Variants in TOM1L1 observed in about 807,000 individuals in gnomAD.
The protein encoded by TOM1L1 is target of myb1 like 1 membrane trafficking protein.
TOM1L1 carries 64 observed loss-of-function variants against 63.4 expected under a neutral mutation model. The ratio of observed to expected loss-of-function variants is 1.01; its 90% confidence interval spans 0.83 to 1.24. The LOEUF (loss-of-function observed/expected upper bound fraction) is 1.24, where lower values mean the gene tolerates loss of function less well. TOM1L1 is among the 50% of genes most tolerant of loss of function. The pLI is 0.00. For synonymous variants in TOM1L1, 166 were observed against 194.4 expected, an observed-to-expected ratio of 0.85 and a Z score of 1.22; for missense variants, 536 against 567.0, an observed-to-expected ratio of 0.95 and a Z score of 0.55.
At chr17:54,909,984 G>A (rs1395317026) in intron 3 of TOM1L1, among the ~76,000 whole-genome samples, 1 of 152,192 alleles carries the variant, frequency 6.6e-6, no homozygotes, top group Non-Finnish European at 1.5e-5. Flanking sequence ...TAGAGGAGGT[G>A]ATGTAGAATT....
At chr17:54,903,376 TCACCTTCTAGGTAG>T (rs990679788) in intron 1 of TOM1L1, among the ~76,000 whole-genome samples, 1 of 152,264 alleles carries the variant, frequency 6.6e-6, no homozygotes, top group African/African-American at 2.4e-5. Context: ...ACTATGCAGT[TCACCTTCTAGGTAG>T]CTGCTCACTA....
At chr17:54,926,100 C>T (rs776854432) in intron 7 of TOM1L1, among the ~76,000 whole-genome samples, 1 of 152,182 alleles carries the variant, frequency 6.6e-6, no homozygotes, top group Non-Finnish European at 1.5e-5. Context: ...ACAATTAGAT[C>T]CTGAAGCCCT....
intron 3 of TOM1L1, chr17:54,906,794 GTCCTTTT>G: frequency 1.0e-6 from 1 of 985,488 alleles, no homozygotes; most frequent in Middle Eastern, 5.2e-4. Flanking sequence ...TTGGTGAGTT[GTCCTTTT>G]TACTTTAGTA....
rs770489876 is a variant in TOM1L1 at position 54,960,622 on chromosome 17, A to G, written c.1427A>G (p.Asp476Gly). The G allele has an allele frequency of 6.2e-7, 1 of 1,609,196 alleles. No homozygotes were observed. The highest frequency in any genetic ancestry group is 8.5e-7 in the Non-Finnish European group (1 of 1,176,088). The change falls in exon 15 of 16, where the codon GAC (aspartate) becomes GGC (glycine). Residue 476 changes from aspartate (D) to glycine (G), a missense_variant. By Grantham distance (94) the Asp-to-Gly change is moderately conservative (BLOSUM62 -1). Transcript: ENST00000575882. ...HQHKGAQNDG[D>G] Reference sequence around the variant, plus strand: ...CACAAAGGAGCTCAAAATGATGGTGACTGAGGTAAAGACTTCAACTTATAC... The same window carrying G: ...CACAAAGGAGCTCAAAATGATGGTGGCTGAGGTAAAGACTTCAACTTATAC...
In TOM1L1 at chr17:54,905,051, A is replaced by C. The variant is rs1324627081; in HGVS notation, c.144-438A>C. On this transcript the variant is annotated intron_variant, in intron 2 of 15. Coordinates refer to ENST00000575882, the MANE Select transcript of TOM1L1 (RefSeq NM_005486.3). The stretch of plus-strand genomic sequence containing the variant: ...TCTTTGTAACATAAAATTGTGGCGT[A>C]TTGGCAGCTGACCTAGTTTGTTGTA... Among the ~76,000 whole-genome samples the C allele has an allele frequency of 2.6e-5, 4 of 152,192 alleles. No individual in the cohort carries two copies. The South Asian group carries it at 6.2e-4, about 24-fold the overall frequency.
chr17:54,935,456 C>T (rs2048929777), intron 8 of TOM1L1, among the ~76,000 whole-genome samples: 1 of 152,140 alleles, frequency 6.6e-6, no homozygotes, highest in Non-Finnish European at 1.5e-5. Flanking sequence ...AACTCTTACA[C>T]TTTAAAGTGT....
intron 7 of TOM1L1, among the ~76,000 whole-genome samples, chr17:54,918,130 C>T (rs769341988): frequency 6.6e-6 from 1 of 152,178 alleles, no homozygotes; most frequent in African/African-American, 2.4e-5. Flanking sequence ...ATGTTCTAGG[C>T]AGTACTCACT....
At position 54,900,999 on chromosome 17, in the gene TOM1L1, C is replaced by T. The variant is rs2048316692; in HGVS notation, c.58+76C>T. 24 of 1,595,502 alleles carry T rather than the reference C, an allele frequency of 1.5e-5. No homozygotes were observed. In the South Asian group the frequency reaches 2.5e-4, roughly 17 times the overall value. On this transcript the variant is annotated intron_variant, in intron 1 of 15. Coordinates refer to ENST00000575882, the MANE Select transcript of TOM1L1 (RefSeq NM_005486.3). ...CTTTCCTGCTTGATCCATTCTCGGC[C>T]TGCAGAGGACGGAGTTAGTCCAACT...
In TOM1L1 at chr17:54,912,659, A is replaced by G. The variant is rs777840631; in HGVS notation, c.223-7A>G. On this transcript the variant is annotated splice_region_variant and splice_polypyrimidine_tract_variant and intron_variant, in intron 3 of 15. Transcript: ENST00000575882. ...AAATATAATGTTTAATTTTTTTTCT[A>G]ATTTAGCTTATTGACATGTGTGTGC... The G allele has an allele frequency of 6.6e-7, 1 of 1,518,428 alleles. No homozygotes were observed. Among genetic ancestry groups the G allele is most frequent in the Admixed American group, 2.4e-5 (1 of 41,616 alleles). 94.1% of individuals were successfully genotyped at this position (1,518,428 alleles called of 1,614,324 possible).
intron 14 of TOM1L1, chr17:54,957,289 T>C (rs1012923449): frequency 1.3e-5 from 2 of 152,248 alleles, no homozygotes; most frequent in Non-Finnish European, 2.9e-5. Context: ...GAGTCCACTA[T>C]GTATTTTTTC....
intron 14 of TOM1L1, chr17:54,959,053 A>AT (rs1432936738): frequency 3.5e-4 from 54 of 152,356 alleles, no homozygotes; most frequent in African/African-American, 1.3e-3. Flanking sequence ...CATTTAATGT[A>AT]TTAAGAATGC....
At chr17:54,905,100 A>G (rs1211491055) in intron 2 of TOM1L1, among the ~76,000 whole-genome samples, 3 of 152,268 alleles carry the variant, frequency 2.0e-5, no homozygotes, top group South Asian at 2.1e-4. Flanking sequence ...CCCCTTGTCT[A>G]TAGGGTGCTC....
intron 8 of TOM1L1, among the ~76,000 whole-genome samples, chr17:54,934,955 T>G (rs2048922772): frequency 6.6e-6 from 1 of 152,180 alleles, no homozygotes; most frequent in Non-Finnish European, 1.5e-5. Flanking sequence ...TGACCTCAAG[T>G]AATCCACCTG....
chr17:54,918,020 T>C (rs1173696106), intron 7 of TOM1L1, among the ~76,000 whole-genome samples: 1 of 152,196 alleles, frequency 6.6e-6, no homozygotes, highest in Non-Finnish European at 1.5e-5. Context: ...GGGTTGTCTT[T>C]CCTGGTTATT....
At position 54,961,422 on chromosome 17, in the gene TOM1L1, G is replaced by GT. The variant is rs1567853609; in HGVS notation, c.*190dup. ...GATAACACTGATTCCTGACAACAGC[G>GT]TGAGATTTCAACAGAACTTGTTTGG... is the stretch of plus-strand genomic sequence containing the variant. On this transcript the variant is annotated 3_prime_UTR_variant, in exon 16 of 16. Transcript: ENST00000575882. 1.3e-5 allele frequency: 19 copies of GT among 1,518,018 alleles called. 1 individual carries two copies. In the Admixed American group the frequency reaches 2.5e-4, roughly 20 times the overall value. The allele number at this position is 1,518,018 out of a possible 1,614,324, so 94.0% of individuals were successfully genotyped here.
chr17:54,921,597 A>ACAT (rs1298267287), intron 7 of TOM1L1, among the ~76,000 whole-genome samples: 1 of 151,970 alleles, frequency 6.6e-6, no homozygotes, highest in Admixed American at 6.6e-5. Context: ...AATTAACCGG[A>ACAT]CATGGTGGTG....
intron 7 of TOM1L1, among the ~76,000 whole-genome samples, chr17:54,926,798 C>T (rs1377869680): frequency 6.6e-6 from 1 of 152,210 alleles, no homozygotes; most frequent in Non-Finnish European, 1.5e-5. Context: ...GCTGCATATG[C>T]AGAAAGAATA....
At chr17:54,939,450 T>C (rs1256371173) in intron 11 of TOM1L1, among the ~76,000 whole-genome samples, 3 of 152,104 alleles carry the variant, frequency 2.0e-5, no homozygotes, top group African/African-American at 7.2e-5. Context: ...AGAAGAGCAA[T>C]GAGGTTCAAA....
Position 54,961,544 on chromosome 17 carries a change from A to G in TOM1L1, c.*311A>G. 2 of 1,374,336 alleles carry G rather than the reference A, an allele frequency of 1.5e-6. No homozygotes were observed. Among genetic ancestry groups the G allele is most frequent in the Non-Finnish European group, 9.4e-7 (1 of 1,066,262 alleles). 85.1% of individuals were successfully genotyped at this position (1,374,336 alleles called of 1,614,324 possible). A position where few individuals can be genotyped will look rare whatever the true frequency, so the allele number is the denominator to read the frequency against. Reference sequence around the variant, plus strand: ...TGTCATGTTTCACAGGCCTTCCTACATTTAGAAATCGTCACACAGCTGTGA... The same window carrying G: ...TGTCATGTTTCACAGGCCTTCCTACGTTTAGAAATCGTCACACAGCTGTGA... On this transcript the variant is annotated 3_prime_UTR_variant, in exon 16 of 16. Coordinates refer to ENST00000575882, the MANE Select transcript of TOM1L1 (RefSeq NM_005486.3).
Sources: allele counts gnomAD v4.1 joint callset (sites outside exome capture counted in the v4.1 genomes callset), GRCh38; gene constraint gnomAD v4.1.1; transcripts MANE v1.5; gene names NCBI Gene and HGNC (gene_info 2026-07-23, HGNC 2026-07-21).